Variants in PLEKHG1 observed in about 807,000 individuals in gnomAD.
The protein encoded by PLEKHG1 is pleckstrin homology and RhoGEF domain containing G1.
PLEKHG1 carries 44 observed loss-of-function variants against 100.8 expected under a neutral mutation model. The ratio of observed to expected loss-of-function variants is 0.44; its 90% CI spans 0.34 to 0.56. The LOEUF is 0.56. Ranked by LOEUF, PLEKHG1 falls within the 20% of genes least tolerant of loss-of-function variation. The pLI, the probability that PLEKHG1 is intolerant of heterozygous loss-of-function variation, is 0.01. For synonymous variants in PLEKHG1, 640 were observed against 662.5 expected, an observed-to-expected ratio of 0.97 and a Z score of 0.52; for missense variants, 1,545 against 1,720.9, an observed-to-expected ratio of 0.90 and a Z score of 1.81.
At chr6:150,655,707 CA>C (rs775753925) in intron 3 of PLEKHG1, among the ~76,000 whole-genome samples, 3,085 of 38,430 alleles carry the variant, frequency 0.08, 38 homozygotes, top group African/African-American at 0.24. Context: ...GACTCCATCT[CA>C]AAAAAAAAAA....
exon 16 of PLEKHG1, chr6:150,840,185 A>G: frequency 6.2e-7 from 1 of 1,614,200 alleles, no homozygotes; most frequent in Non-Finnish European, 8.5e-7. Context: ...GCGTGGTAGT[A>G]AGTCAGCCCA....
At chr6:150,737,105 A>T (rs1186112867) in intron 2 of PLEKHG1, among the ~76,000 whole-genome samples, 1 of 152,126 alleles carries the variant, frequency 6.6e-6, no homozygotes, top group Non-Finnish European at 1.5e-5. Flanking sequence ...CATATGAGGG[A>T]TTAGTTGGTT....
intron 1 of PLEKHG1, among the ~76,000 whole-genome samples, chr6:150,728,991 AATT>A (rs1275514632): frequency 6.6e-6 from 1 of 152,202 alleles, no homozygotes; most frequent in African/African-American, 2.4e-5. Context: ...CAAATACAAA[AATT>A]ATTAATGAGG....
chr6:150,661,035 G>T (rs150219812), intron 3 of PLEKHG1, among the ~76,000 whole-genome samples: 1 of 152,046 alleles, frequency 6.6e-6, no homozygotes, highest in Non-Finnish European at 1.5e-5. Flanking sequence ...GGGTCAAGGA[G>T]GGGGAGTGAA....
At chr6:150,750,553 G>C (rs2128628530) in intron 2 of PLEKHG1, among the ~76,000 whole-genome samples, 1 of 151,990 alleles carries the variant, frequency 6.6e-6, no homozygotes, top group South Asian at 2.1e-4. Flanking sequence ...GGCCGAGGCG[G>C]GCGGATCACG....
chr6:150,796,285 G>A (rs960311980), intron 5 of PLEKHG1, among the ~76,000 whole-genome samples: 7 of 152,170 alleles, frequency 4.6e-5, no homozygotes, highest in Non-Finnish European at 7.3e-5. Context: ...AATCTAGATG[G>A]GGAGAGAACA....
At chr6:150,787,177 C>A (rs1414642413) in intron 4 of PLEKHG1, among the ~76,000 whole-genome samples, 3 of 152,042 alleles carry the variant, frequency 2.0e-5, no homozygotes, top group African/African-American at 7.2e-5. Context: ...CTAGCCTAGT[C>A]TCTATAATTA....
In PLEKHG1 at chr6:150,721,844, T is replaced by G. The variant is rs959802568; in HGVS notation, c.-99+644T>G. Among the ~76,000 whole-genome samples the G allele has an allele frequency of 2.0e-5, 3 of 152,220 alleles. No homozygotes were observed. In the East Asian group the frequency reaches 5.8e-4, roughly 29 times the overall value. On this transcript the variant is annotated intron_variant, in intron 1 of 15. Coordinates refer to ENST00000358517, the Ensembl canonical transcript of PLEKHG1. The stretch of plus-strand genomic sequence containing the variant: ...TTTCATTTGGCTTCATTATTTGAAT[T>G]TAATGATGCATTTTGAAAGATATTT...
intron 2 of PLEKHG1, among the ~76,000 whole-genome samples, chr6:150,764,713 T>G (rs1356950046): frequency 6.6e-6 from 1 of 152,148 alleles, no homozygotes; most frequent in Non-Finnish European, 1.5e-5. Flanking sequence ...TCCTAGATGT[T>G]GTCTTCTTCC....
At chr6:150,629,881 TTTTTA>T (rs1777676131) in intron 1 of PLEKHG1, among the ~76,000 whole-genome samples, 1 of 152,218 alleles carries the variant, frequency 6.6e-6, no homozygotes, top group African/African-American at 2.4e-5. Context: ...CATACTTTGA[TTTTTA>T]TTTTATTTAT....
intron 4 of PLEKHG1, among the ~76,000 whole-genome samples, chr6:150,791,180 A>T (rs1475024769): frequency 6.6e-6 from 1 of 152,178 alleles, no homozygotes; most frequent in Non-Finnish European, 1.5e-5. Flanking sequence ...CTACTCTAAG[A>T]CCTACTACAT....
At chr6:150,776,902 A>G (rs1369582014) in intron 3 of PLEKHG1, among the ~76,000 whole-genome samples, 1 of 150,542 alleles carries the variant, frequency 6.6e-6, no homozygotes, top group African/African-American at 2.5e-5. Context: ...ACTCACACTG[A>G]TGCAATCCTG....
chr6:150,724,219 T>C (rs1327064941), intron 1 of PLEKHG1, among the ~76,000 whole-genome samples: 1 of 152,220 alleles, frequency 6.6e-6, no homozygotes, highest in African/African-American at 2.4e-5. Context: ...TGTGGAGTAA[T>C]AAAATCTAAT....
At chr6:150,715,969 G>A (rs1188925070) in intron 3 of PLEKHG1, among the ~76,000 whole-genome samples, 3 of 148,486 alleles carry the variant, frequency 2.0e-5, no homozygotes, top group Admixed American at 6.7e-5. Context: ...TTAGCCGGGC[G>A]TGGTGGCGGG....
chr6:150,748,251 T>A lies in PLEKHG1; in HGVS notation c.411+14159T>A, dbSNP rs555796963. On this transcript the variant is annotated intron_variant, in intron 2 of 15. Transcript: ENST00000358517. ...TACGGCTGAGTAATATTTCATTGTG[T>A]GTGTAGATTGCATTTCGTTTATCCA... Among the ~76,000 whole-genome samples, 167 of 152,324 alleles carry A rather than the reference T, an allele frequency of 1.1e-3. 1 individual carries two copies. Among genetic ancestry groups the A allele is most frequent in the African/African-American group, 3.8e-3 (160 of 41,564 alleles).
At chr6:150,766,667 T>G (rs1784468847) in intron 2 of PLEKHG1, among the ~76,000 whole-genome samples, 1 of 152,248 alleles carries the variant, frequency 6.6e-6, no homozygotes, top group Non-Finnish European at 1.5e-5. Context: ...CTGAGGTTTT[T>G]GAAACTCTTT....
intron 2 of PLEKHG1, among the ~76,000 whole-genome samples, chr6:150,766,505 C>G (rs1401512320): frequency 1.3e-5 from 2 of 152,222 alleles, no homozygotes; most frequent in African/African-American, 4.8e-5. Context: ...AAAAGATGTA[C>G]TTATGATCAG....
intron 7 of PLEKHG1, among the ~76,000 whole-genome samples, chr6:150,805,816 C>T (rs925409817): frequency 3.9e-5 from 6 of 152,096 alleles, no homozygotes; most frequent in African/African-American, 7.2e-5. Flanking sequence ...TGTGAGCCAC[C>T]GCACCTGACA....
chr6:150,659,595 G>A (rs557379260), intron 3 of PLEKHG1, among the ~76,000 whole-genome samples: 27 of 152,318 alleles, frequency 1.8e-4, no homozygotes, highest in African/African-American at 6.5e-4. Context: ...TGGAGCTATG[G>A]AGCAGCAGCG....
Sources: allele counts gnomAD v4.1 joint callset (sites outside exome capture counted in the v4.1 genomes callset), GRCh38; gene constraint gnomAD v4.1.1; transcripts MANE v1.5; gene names NCBI Gene and HGNC (gene_info 2026-07-23, HGNC 2026-07-21).